Variants in CHEK2 observed in about 807,000 individuals in gnomAD.
CHEK2 encodes serine/threonine-protein kinase Chk2.
A neutral mutation model predicts 69.1 loss-of-function variants in CHEK2; 71 were observed. The observed-to-expected ratio is 1.03, with a 90% CI of 0.85 to 1.25. The LOEUF is 1.25. Among genes scored for constraint, CHEK2 ranks in the 50% most tolerant of loss-of-function variants. The pLI, the probability that CHEK2 is intolerant of heterozygous loss-of-function variation, is 0.00. For missense variants in CHEK2, 664 were observed against 649.6 expected, an observed-to-expected ratio of 1.02 and a Z score of -0.24; for synonymous variants, 189 against 226.9, an observed-to-expected ratio of 0.83 and a Z score of 1.50.
intron 1 of CHEK2, among the ~76,000 whole-genome samples, chr22:28,738,213 T>C (rs1288871439): frequency 1.3e-5 from 2 of 151,670 alleles, no homozygotes; most frequent in Non-Finnish European, 2.9e-5. Flanking sequence ...TCAAGGAAAA[T>C]AAAAAAGATA....
intron 8 of CHEK2, among the ~76,000 whole-genome samples, chr22:28,703,170 G>C (rs994125803): frequency 1.3e-5 from 2 of 152,104 alleles, no homozygotes; most frequent in Admixed American, 1.3e-4. Context: ...TCTGCATGTG[G>C]GGGTTCATTA....
intron 9 of CHEK2, among the ~76,000 whole-genome samples, chr22:28,697,745 C>T (rs1361753993): frequency 1.3e-5 from 2 of 151,812 alleles, no homozygotes; most frequent in African/African-American, 2.4e-5. Flanking sequence ...CAGCTAACTT[C>T]TTTATTTTTT....
rs2052542375 is a variant in CHEK2, at chr22:28,695,600, T to C, written c.1259+110A>G. ...TGACCCAGGAGGCAGAGGCTACAGT[T>C]AGCCAAGATCAAGCCACTGCATGCC... On this transcript the variant is annotated intron_variant, in intron 11 of 14. Transcript: ENST00000404276. 7.8e-6 allele frequency: 7 copies of C among 900,952 alleles called. No individual in the cohort carries two copies. In the East Asian group the frequency reaches 1.8e-4, roughly 24 times the overall value. The allele number at this position is 900,952 out of a possible 1,614,324, so 55.8% of individuals were successfully genotyped here. A position where few individuals can be genotyped will look rare whatever the true frequency, so the allele number is the denominator to read the frequency against.
At position 28,719,377 on chromosome 22, in the gene CHEK2, T is replaced by C; in HGVS notation, c.683+18A>G. The C allele has an allele frequency of 7.0e-7, 1 of 1,424,264 alleles. No individual in the cohort carries two copies. 88.2% of individuals were successfully genotyped at this position (1,424,264 alleles called of 1,614,324 possible). A position where few individuals can be genotyped will look rare whatever the true frequency, so the allele number is the denominator to read the frequency against. ...ATAGTGAAAAAATTAAGTGCATTTA[T>C]ATAAGAAAATAATTTACCTTCCAAG... On this transcript the variant is annotated intron_variant, in intron 5 of 14. Coordinates refer to ENST00000404276, the MANE Select transcript of CHEK2 (RefSeq NM_007194.4).
chr22:28,702,666 C>A (rs1470380351), intron 8 of CHEK2, among the ~76,000 whole-genome samples: 1 of 151,822 alleles, frequency 6.6e-6, no homozygotes, highest in Non-Finnish European at 1.5e-5. Flanking sequence ...CCTGCTTCAG[C>A]CTCCTGAGTA....
chr22:28,727,414 AT>A (rs951686592), intron 2 of CHEK2, among the ~76,000 whole-genome samples: 10 of 152,080 alleles, frequency 6.6e-5, no homozygotes, highest in Non-Finnish European at 1.5e-4. Context: ...CTTTTTGGGT[AT>A]GGGCCACGGC....
chr22:28,698,020 G>C (rs978906463), intron 9 of CHEK2, among the ~76,000 whole-genome samples: 1 of 151,820 alleles, frequency 6.6e-6, no homozygotes, highest in Non-Finnish European at 1.5e-5. Flanking sequence ...ATTAAAAAGG[G>C]CTTGCGTTGT....
chr22:28,727,337 G>A (rs1019165708), intron 2 of CHEK2, among the ~76,000 whole-genome samples: 5 of 152,124 alleles, frequency 3.3e-5, no homozygotes, highest in South Asian at 4.1e-4. Context: ...CACCACACCC[G>A]GCCTCCCGCT....
rs1555913188 is a variant in CHEK2, at chr22:28,694,111, T to C, written c.1382A>G (p.Asp461Gly). ...VWAEVSEKAL[D>G]LVKKLLVVDP... is the part of the protein sequence containing the mutation. The stretch of plus-strand genomic sequence containing the variant: ...CACTACCAACAACTTCTTGACAAGG[T>C]CCAGAGCTAAAGCAACAATTGGGCA... The change falls in exon 13 of 15, where the codon GAC becomes GGC. Residue 461 changes from aspartate (D) to glycine (G), a missense_variant. Physicochemically the swap from Asp to Gly is moderately conservative, Grantham distance 94. Coordinates refer to ENST00000404276, the MANE Select transcript of CHEK2 (RefSeq NM_007194.4). The C allele has an allele frequency of 1.9e-6, 3 of 1,593,898 alleles. No homozygotes were observed. The highest frequency in any genetic ancestry group is 2.5e-6 in the Non-Finnish European group (3 of 1,177,726).
At chr22:28,730,217 GAGGAGA>G (rs2054156261) in intron 2 of CHEK2, among the ~76,000 whole-genome samples, 1 of 134,232 alleles carries the variant, frequency 7.4e-6, no homozygotes, top group African/African-American at 2.9e-5. Flanking sequence ...GAAGAGAGAA[GAGGAGA>G]GAGAAGAGGA....
chr22:28,725,508 A>G, intron 2 of CHEK2, 141 bp from the exon 3 acceptor site: 1 of 1,081,124 alleles, frequency 9.2e-7, no homozygotes, highest in Non-Finnish European at 1.4e-6. Context: ...ATTTTACAAG[A>G]TTAAAAATTA....
chr22:28,730,897 T>TAATTATTAACATAATTATTAACATAAA (rs1191122596), intron 2 of CHEK2, among the ~76,000 whole-genome samples: 10 of 151,950 alleles, frequency 6.6e-5, no homozygotes, highest in Admixed American at 6.6e-4. Flanking sequence ...TAAAGGACCT[T>TAATTATTAACATAATTATTAACATAAA]AATTAAACAT....
At chr22:28,732,688 G>A (rs1284366064) in intron 2 of CHEK2, among the ~76,000 whole-genome samples, 1 of 152,108 alleles carries the variant, frequency 6.6e-6, no homozygotes, top group Non-Finnish European at 1.5e-5. Flanking sequence ...AATAAAACAA[G>A]GATGGTGAGT....
At chr22:28,734,054 C>T (rs1342723593) in intron 2 of CHEK2, among the ~76,000 whole-genome samples, 1 of 152,106 alleles carries the variant, frequency 6.6e-6, no homozygotes, top group Non-Finnish European at 1.5e-5. Flanking sequence ...AATGGCCGAG[C>T]TCCAATTCAC....
At chr22:28,737,197 T>G (rs2054436505) in intron 1 of CHEK2, 1 of 448,398 alleles carries the variant, frequency 2.2e-6, no homozygotes, top group Non-Finnish European at 4.5e-6. Flanking sequence ...GAACCCTATA[T>G]AAATTATGCA....
At chr22:28,731,338 C>T (rs2054208742) in intron 2 of CHEK2, among the ~76,000 whole-genome samples, 1 of 152,154 alleles carries the variant, frequency 6.6e-6, no homozygotes, top group Admixed American at 6.6e-5. Flanking sequence ...GTGGCTCGCG[C>T]CTGTAATCCC....
intron 2 of CHEK2, among the ~76,000 whole-genome samples, chr22:28,731,119 C>G (rs1372728181): frequency 2.6e-5 from 4 of 151,886 alleles, no homozygotes; most frequent in African/African-American, 7.3e-5. Flanking sequence ...GGGAGAATTG[C>G]TTGAGCCTGG....
chr22:28,701,435 CT>C (rs2052842684), intron 8 of CHEK2, among the ~76,000 whole-genome samples: 2 of 152,078 alleles, frequency 1.3e-5, no homozygotes. Flanking sequence ...TGGTCTTGAA[CT>C]CCTGGCCTCA....
chr22:28,729,540 CAAAAAAAAAAA>C lies in CHEK2; in HGVS notation c.320-4184_320-4174del, dbSNP rs58149342. On this transcript the variant is annotated intron_variant, in intron 2 of 14. Coordinates refer to ENST00000404276, the MANE Select transcript of CHEK2 (RefSeq NM_007194.4). ...CCTGGGCGACAGCGAGACTCCATCT[CAAAAAAAAAAA>C]AAAAAAAAAAAAAAGAATTAACCCA... is the stretch of plus-strand genomic sequence containing the variant. 4.8e-5 allele frequency among the ~76,000 whole-genome samples: 4 copies of C among 83,078 alleles called. No individual in the cohort carries two copies. The East Asian group carries it at 1.1e-3, about 22-fold the overall frequency. 54.5% of individuals were successfully genotyped at this position (83,078 alleles called of 152,430 possible).
Sources: allele counts gnomAD v4.1 joint callset (sites outside exome capture counted in the v4.1 genomes callset), GRCh38; gene constraint gnomAD v4.1.1; transcripts MANE v1.5; gene names NCBI Gene and HGNC (gene_info 2026-07-23, HGNC 2026-07-21).